The following DAB1 variants were observed in gnomAD, a reference collection of about 807,000 sequenced individuals.
DAB1 encodes DAB adaptor protein 1.
DAB1 carries 15 observed loss-of-function variants against 64.6 expected under a neutral mutation model. The ratio of observed to expected loss-of-function variants is 0.23; its 90% CI spans 0.16 to 0.36. The LOEUF is 0.36. Ranked by LOEUF, DAB1 falls within the 10% of genes least tolerant of loss-of-function variation. The pLI is 1.00. For missense variants in DAB1, 596 were observed against 706.7 expected (o/e 0.84, Z 1.78); for synonymous variants, 235 against 251.9 (o/e 0.93, Z 0.64).
chr1:57,781,379 A>T (rs1483351258), intron 6 of DAB1, among the ~76,000 whole-genome samples: 2 of 151,866 alleles, frequency 1.3e-5, no homozygotes, highest in Admixed American at 6.6e-5. Context: ...TGAAAGAAAG[A>T]ACAACTTCCA....
chr1:58,172,252 T>G (rs915700275), intron 4 of DAB1, among the ~76,000 whole-genome samples: 3 of 151,922 alleles, frequency 2.0e-5, no homozygotes, highest in Non-Finnish European at 4.4e-5. Context: ...GCTCTTGGAG[T>G]CCTTACTCAG....
At chr1:57,783,124 T>TA (rs1557478536) in intron 6 of DAB1, among the ~76,000 whole-genome samples, 2 of 147,746 alleles carry the variant, frequency 1.4e-5, no homozygotes, top group African/African-American at 5.0e-5. Context: ...TTTTTTTTTT[T>TA]ACAGGGTCTC....
intron 4 of DAB1, among the ~76,000 whole-genome samples, chr1:58,191,759 G>T (rs1186682232): frequency 1.3e-5 from 2 of 152,240 alleles, no homozygotes; most frequent in African/African-American, 4.8e-5. Context: ...TAACTTGTCT[G>T]TGAAATGTTG....
intron 6 of DAB1, among the ~76,000 whole-genome samples, chr1:57,811,539 A>G (rs1651622945): frequency 6.6e-6 from 1 of 152,226 alleles, no homozygotes; most frequent in South Asian, 2.1e-4. Flanking sequence ...TAGAACCATG[A>G]ACCAATTAAA....
intron 7 of DAB1, among the ~76,000 whole-genome samples, chr1:57,645,169 T>A (rs1317418903): frequency 6.6e-6 from 1 of 152,204 alleles, no homozygotes; most frequent in Non-Finnish European, 1.5e-5. Context: ...AGTCTCCCTG[T>A]GGCCTACCTA....
At chr1:57,837,896 C>A (rs1652882947) in intron 1 of DAB1, among the ~76,000 whole-genome samples, 1 of 151,222 alleles carries the variant, frequency 6.6e-6, no homozygotes, top group South Asian at 2.1e-4. Flanking sequence ...ACCACCTCCA[C>A]TGCTTCCATC....
chr1:58,166,677 A>T (rs2100758283), intron 4 of DAB1, among the ~76,000 whole-genome samples: 1 of 151,618 alleles, frequency 6.6e-6, no homozygotes, highest in East Asian at 1.9e-4. Context: ...TTTTCATGAT[A>T]TCTGTGAGTA....
At chr1:57,442,071 T>G (rs565247938) in intron 7 of DAB1, among the ~76,000 whole-genome samples, 1 of 152,356 alleles carries the variant, frequency 6.6e-6, no homozygotes, top group African/African-American at 2.4e-5. Context: ...TTGTATAGGC[T>G]CATTTCTAAT....
chr1:57,913,412 T>TCC (rs1644677871), intron 5 of DAB1, among the ~76,000 whole-genome samples: 1 of 152,178 alleles, frequency 6.6e-6, no homozygotes, highest in Admixed American at 6.5e-5. Flanking sequence ...TGCAACTGGA[T>TCC]CCCTTCCTTA....
chr1:57,545,450 C>T (rs192931913), intron 7 of DAB1, among the ~76,000 whole-genome samples: 144 of 152,292 alleles, frequency 9.5e-4, no homozygotes, highest in Middle Eastern at 3.4e-3. Context: ...CTAGGGCTTT[C>T]TGGTCTTAGT....
chr1:58,008,521 G>C (rs1219171394), intron 5 of DAB1, among the ~76,000 whole-genome samples: 1 of 152,064 alleles, frequency 6.6e-6, no homozygotes, highest in African/African-American at 2.4e-5. Flanking sequence ...ACAGAGAACA[G>C]CCTGAACAAA....
intron 3 of DAB1, among the ~76,000 whole-genome samples, chr1:57,143,757 G>A (rs1658838384): frequency 1.3e-5 from 2 of 151,680 alleles, no homozygotes; most frequent in South Asian, 4.2e-4. Context: ...AAGTAAAGGT[G>A]ATGCCGATTT....
intron 4 of DAB1, among the ~76,000 whole-genome samples, chr1:58,153,785 T>C (rs1655074987): frequency 6.6e-6 from 1 of 150,632 alleles, no homozygotes; most frequent in African/African-American, 2.4e-5. Context: ...TTGTTCTCTG[T>C]GTTAACCCGT....
In DAB1 at chr1:58,011,001, A is replaced by G. The variant is rs1182094364; in HGVS notation, n.388-126839T>C. 2.0e-5 allele frequency among the ~76,000 whole-genome samples: 3 copies of G among 152,050 alleles called. No homozygotes were observed. In the East Asian group the frequency reaches 5.8e-4, roughly 29 times the overall value. On this transcript the variant is annotated intron_variant and non_coding_transcript_variant, in intron 5 of 20. Transcript: ENST00000485760. ...TGAGGCAGTGGTAACTACTATTTTT[A>G]CTCCATTTTTACCAAAGAGGTAACT...
intron 2 of DAB1, among the ~76,000 whole-genome samples, chr1:57,288,285 T>C (rs998351703): frequency 6.6e-6 from 1 of 152,132 alleles, no homozygotes; most frequent in African/African-American, 2.4e-5. Context: ...ATGGTGATGA[T>C]GATGATGATG....
At chr1:57,978,244 G>C (rs986483486) in intron 5 of DAB1, among the ~76,000 whole-genome samples, 1 of 152,000 alleles carries the variant, frequency 6.6e-6, no homozygotes, top group Admixed American at 6.6e-5. Flanking sequence ...CAGAACAGAG[G>C]CCTCAGAAAT....
chr1:58,188,523 C>T (rs1657213800), intron 4 of DAB1, among the ~76,000 whole-genome samples: 1 of 152,160 alleles, frequency 6.6e-6, no homozygotes, highest in South Asian at 2.1e-4. Flanking sequence ...GAAGCTAAAT[C>T]GTATAACCCC....
chr1:57,267,491 T>C (rs1470028228), intron 2 of DAB1, among the ~76,000 whole-genome samples: 2 of 152,226 alleles, frequency 1.3e-5, no homozygotes, highest in East Asian at 1.9e-4. Flanking sequence ...GATCTGAACC[T>C]GTCTTATGCC....
chr1:57,922,037 A>G lies in DAB1; in HGVS notation n.388-37875T>C, dbSNP rs150100203. ...ATTTGGCTGGCTCTCACTTCCTTAA[A>G]TATCACCCTATCCTTTTCCTCCTCA... On this transcript the variant is annotated intron_variant and non_coding_transcript_variant, in intron 5 of 20. Coordinates refer to the DAB1 transcript ENST00000485760. 3.8e-3 allele frequency among the ~76,000 whole-genome samples: 583 copies of G among 152,246 alleles called. 13 individuals carry two copies. The highest frequency in any genetic ancestry group is 5.8e-3 in the East Asian group (30 of 5,172).
Sources: gnomAD v4.1 joint callset for allele counts (sites outside exome capture counted in the v4.1 genomes callset) on GRCh38, gnomAD v4.1.1 for gene constraint, MANE v1.5 for transcripts, NCBI Gene and HGNC (gene_info 2026-07-23, HGNC 2026-07-21) for gene names.